SGCD: variants seen among roughly 807,000 people sequenced by gnomAD.
SGCD encodes the protein sarcoglycan delta.
A neutral mutation model predicts 36.6 loss-of-function variants in SGCD; 18 were observed. The ratio of observed to expected loss-of-function variants is 0.49; its 90% CI spans 0.34 to 0.73. The LOEUF is 0.73. Ranked by LOEUF, SGCD falls within the 30% of genes least tolerant of loss-of-function variation. The pLI, the probability that SGCD is intolerant of heterozygous loss-of-function variation, is 0.01. For missense variants in SGCD, 387 were observed against 346.7 expected (o/e 1.12, Z -0.92); for synonymous variants, 133 against 130.6 (o/e 1.02, Z -0.12).
chr5:155,944,418 GT>G (rs1239569401), intron 1 of SGCD, among the ~76,000 whole-genome samples: 1 of 152,060 alleles, frequency 6.6e-6, no homozygotes, highest in East Asian at 1.9e-4. Context: ...ATACACACGT[GT>G]TTTTTTCCTA....
the SGCD span, among the ~76,000 whole-genome samples, chr5:155,813,488 A>G: frequency 6.6e-6 from 1 of 152,172 alleles, no homozygotes; most frequent in African/African-American, 2.4e-5. Context: ...TCAGAAAAAC[A>G]CCCTGTGAGC....
chr5:156,580,775 CTATT>C (rs991225618), intron 4 of SGCD, among the ~76,000 whole-genome samples: 26 of 152,296 alleles, frequency 1.7e-4, no homozygotes, highest in African/African-American at 6.3e-4. Context: ...CTTCTCTACA[CTATT>C]TATTCTAGTT....
At position 156,501,441 on chromosome 5, in the gene SGCD, A is replaced by G. The variant is rs1756448026; in HGVS notation, c.193-7160A>G. 2.6e-5 allele frequency among the ~76,000 whole-genome samples: 4 copies of G among 152,220 alleles called. No homozygotes were observed. The South Asian group carries it at 8.3e-4, about 32-fold the overall frequency. On this transcript the variant is annotated intron_variant, in intron 3 of 8. Transcript: ENST00000337851. The stretch of plus-strand genomic sequence containing the variant: ...GTTATGTGGAAAGAACCAATATTTC[A>G]GTCTATTGCGCTGCTACTCTGATTC...
At chr5:156,296,941 TAC>T (rs1284015558) in intron 3 of SGCD, among the ~76,000 whole-genome samples, 1 of 151,922 alleles carries the variant, frequency 6.6e-6, no homozygotes, top group African/African-American at 2.4e-5. Flanking sequence ...TGCACATATA[TAC>T]ACACACATAC....
chr5:156,399,902 A>G (rs548001476), intron 3 of SGCD, among the ~76,000 whole-genome samples: 1 of 152,302 alleles, frequency 6.6e-6, no homozygotes, highest in Admixed American at 6.5e-5. Context: ...CTATATATTG[A>G]CAATCATGTG....
At chr5:156,336,643 G>A (rs1354566) in intron 2 of SGCD, among the ~76,000 whole-genome samples, 122,726 of 152,194 alleles carry the variant, frequency 0.81, 50,077 homozygotes, top group African/African-American at 0.93. Flanking sequence ...AAAAATATAA[G>A]TGTGCATATG....
At chr5:156,267,014 G>A (rs1162242839) in intron 3 of SGCD, among the ~76,000 whole-genome samples, 1 of 151,994 alleles carries the variant, frequency 6.6e-6, no homozygotes, top group South Asian at 2.1e-4. Flanking sequence ...TGTTAAAATG[G>A]TATTGAAAAT....
At chr5:156,181,268 T>C (rs1176571617) in intron 3 of SGCD, among the ~76,000 whole-genome samples, 11 of 152,166 alleles carry the variant, frequency 7.2e-5, no homozygotes, top group Admixed American at 5.2e-4. Context: ...GAAAGAGATA[T>C]ATAATCTCAG....
At chr5:156,466,809 A>G (rs1342059605) in intron 3 of SGCD, among the ~76,000 whole-genome samples, 1 of 152,212 alleles carries the variant, frequency 6.6e-6, no homozygotes, top group Admixed American at 6.5e-5. Flanking sequence ...AGAACTTTCT[A>G]GTCAAAGAAA....
At chr5:155,767,739 T>C in the SGCD span, among the ~76,000 whole-genome samples, 1 of 152,188 alleles carries the variant, frequency 6.6e-6, no homozygotes, top group Non-Finnish European at 1.5e-5. Context: ...TCTGTTGTTC[T>C]GATTACTAAC....
rs575136932 is a variant in SGCD at position 156,309,727 on chromosome 5, C to A, written c.-43-19807C>A. Among the ~76,000 whole-genome samples the A allele has an allele frequency of 6.6e-5, 10 of 151,654 alleles. No homozygotes were observed. In the South Asian group the frequency reaches 1.0e-3, roughly 16 times the overall value. ...GGTCTTGAACTCCTGACCTCATGAT[C>A]CACCTGCCTCGGCCTCCCAAAGTGC... On this transcript the variant is annotated intron_variant, in intron 3 of 9. Transcript: ENST00000517913.
intron 3 of SGCD, among the ~76,000 whole-genome samples, chr5:156,296,170 C>T (rs894170964): frequency 6.6e-6 from 1 of 152,170 alleles, no homozygotes; most frequent in Non-Finnish European, 1.5e-5. Context: ...TCTGTTATAT[C>T]TTCACAGTCC....
intron 1 of SGCD, among the ~76,000 whole-genome samples, chr5:155,884,421 A>G (rs947359952): frequency 1.3e-5 from 2 of 152,182 alleles, no homozygotes; most frequent in Non-Finnish European, 2.9e-5. Flanking sequence ...TTCAGCAGTA[A>G]GTTTGGCTCA....
chr5:156,707,006 G>A (rs1470618752), intron 7 of SGCD, among the ~76,000 whole-genome samples: 1 of 152,000 alleles, frequency 6.6e-6, no homozygotes, highest in African/African-American at 2.4e-5. Context: ...CCTGAACAGG[G>A]GAAAGAACAG....
chr5:156,754,795 A>AGTAACAAACCCCCCAATAACACATAGC (rs1757276843), intron 7 of SGCD, among the ~76,000 whole-genome samples: 1 of 152,220 alleles, frequency 6.6e-6, no homozygotes, highest in African/African-American at 2.4e-5. Context: ...GTCACCACCT[A>AGTAACAAACCCCCCAATAACACATAGC]GTAACAAACC....
At chr5:156,668,492 T>C (rs1753150579) in intron 7 of SGCD, among the ~76,000 whole-genome samples, 1 of 152,204 alleles carries the variant, frequency 6.6e-6, no homozygotes, top group Non-Finnish European at 1.5e-5. Context: ...ACAGTGATGC[T>C]TCAATATTTG....
At chr5:156,197,301 A>G (rs1581162718) in intron 3 of SGCD, among the ~76,000 whole-genome samples, 1 of 152,162 alleles carries the variant, frequency 6.6e-6, no homozygotes, top group African/African-American at 2.4e-5. Context: ...GAATGAGGAC[A>G]TGCATTTCCC....
chr5:156,211,255 A>T (rs1764434145), intron 3 of SGCD, among the ~76,000 whole-genome samples: 1 of 152,132 alleles, frequency 6.6e-6, no homozygotes, highest in Non-Finnish European at 1.5e-5. Flanking sequence ...AGACAAACAA[A>T]AGCTTAGAGA....
the SGCD span, among the ~76,000 whole-genome samples, chr5:155,760,157 C>T: frequency 1.3e-5 from 2 of 151,682 alleles, no homozygotes; most frequent in Admixed American, 6.6e-5. Context: ...CTATCATCCT[C>T]ACCATCATCC....
Sources: allele counts gnomAD v4.1 joint callset (sites outside exome capture counted in the v4.1 genomes callset), GRCh38; gene constraint gnomAD v4.1.1; transcripts MANE v1.5; gene names NCBI Gene and HGNC (gene_info 2026-07-23, HGNC 2026-07-21).